SRGAP1: variants seen among roughly 807,000 people sequenced by gnomAD.
SRGAP1 encodes the protein SLIT-ROBO Rho GTPase activating protein 1.
In SRGAP1, 43 loss-of-function variants were observed where a neutral mutation model predicts 121.9. That is an observed-to-expected ratio of 0.35 (90% CI 0.28 to 0.46). The LOEUF is 0.46. Ranked by LOEUF, SRGAP1 falls within the 20% of genes least tolerant of loss-of-function variation. The probability of loss-of-function intolerance (pLI) is 1.00; values close to 1 mark genes in which losing one functional copy is unlikely to be tolerated. For missense variants in SRGAP1, 1,102 were observed against 1,350.9 expected, an observed-to-expected ratio of 0.82 and a Z score of 2.89; for synonymous variants, 447 against 485.4, an observed-to-expected ratio of 0.92 and a Z score of 1.04.
Position 64,091,308 on chromosome 12 carries a change from AC to A in SRGAP1, c.1470del (p.His490GlnfsTer91). 6.2e-7 allele frequency: 1 copy of A among 1,610,074 alleles called. No individual in the cohort carries two copies. Reference sequence around the variant, plus strand: ...AATGTTCCCCCTAAGCCCCAGAAACACAGGAAGTCCAGGCCCCGCTCACAGT... The same window carrying A: ...AATGTTCCCCCTAAGCCCCAGAAACAAGGAAGTCCAGGCCCCGCTCACAGT... ...PPNVPPKPQKHRKSRPRSQYN... is the reference protein window; with the variant it reads ...PPNVPPKPQKXRKSRPRSQYN... On this transcript the variant is annotated frameshift_variant, in exon 12 of 22. Transcript: ENST00000355086. LOFTEE classifies it high-confidence loss of function.
In SRGAP1 at chr12:64,134,919, G is replaced by A. The variant is rs150081510; in HGVS notation, c.2880+6719G>A. Reference sequence around the variant, plus strand: ...TCAACCTCACCTCCAGGGGCCTGCCGGGATATTAGTCTAGTTACAGGTCTA... The same window carrying A: ...TCAACCTCACCTCCAGGGGCCTGCCAGGATATTAGTCTAGTTACAGGTCTA... On this transcript the variant is annotated intron_variant, in intron 21 of 21. Coordinates refer to ENST00000355086, the MANE Select transcript of SRGAP1 (RefSeq NM_020762.4). 1.5e-4 allele frequency among the ~76,000 whole-genome samples: 23 copies of A among 152,258 alleles called. No individual in the cohort carries two copies. The East Asian group carries it at 1.5e-3, about 10-fold the overall frequency.
chr12:63,942,120 CT>C (rs541592309), intron 1 of SRGAP1, among the ~76,000 whole-genome samples: 164 of 152,156 alleles, frequency 1.1e-3, no homozygotes, highest in Non-Finnish European at 1.9e-3. Flanking sequence ...TCTCAACACC[CT>C]CTATTTGTAC....
chr12:64,076,052 C>T (rs536970698), intron 8 of SRGAP1, among the ~76,000 whole-genome samples: 1 of 152,268 alleles, frequency 6.6e-6, no homozygotes, highest in South Asian at 2.1e-4. Context: ...ACACAGGGAA[C>T]CATATCTTCC....
chr12:64,155,818 A>G lies in SRGAP1; in HGVS notation c.*13146A>G, dbSNP rs1047801538. On this transcript the variant is annotated 3_prime_UTR_variant, in exon 22 of 22. Coordinates refer to ENST00000355086, the MANE Select transcript of SRGAP1 (RefSeq NM_020762.4). ...CAGCTAATTTTTTTGTATTTTTAGT[A>G]CAGCCGGGGTTTCGCCATGTTGGCC... 3.3e-5 allele frequency: 5 copies of G among 151,952 alleles called. No individual in the cohort carries two copies. Among genetic ancestry groups the G allele is most frequent in the African/African-American group, 9.7e-5 (4 of 41,372 alleles). The allele number at this position is 151,952 out of a possible 1,614,324, so 9.4% of individuals were successfully genotyped here.
intron 4 of SRGAP1, among the ~76,000 whole-genome samples, chr12:64,033,137 T>C (rs952482045): frequency 1.3e-5 from 2 of 152,148 alleles, no homozygotes; most frequent in Admixed American, 6.6e-5. Flanking sequence ...CCTTTGCATA[T>C]GTGTTCTCCA....
chr12:64,112,467 T>G (rs1204632211), intron 17 of SRGAP1, among the ~76,000 whole-genome samples: 3 of 152,300 alleles, frequency 2.0e-5, no homozygotes, highest in African/African-American at 7.2e-5. Flanking sequence ...AGTTAGACCT[T>G]TAGGTCATTT....
chr12:63,958,557 A>G (rs1171577632), intron 1 of SRGAP1, among the ~76,000 whole-genome samples: 1 of 152,214 alleles, frequency 6.6e-6, no homozygotes, highest in African/African-American at 2.4e-5. Flanking sequence ...GAAGTAGAGC[A>G]CAGAGGATAT....
intron 1 of SRGAP1, among the ~76,000 whole-genome samples, chr12:63,893,553 G>C (rs1383502937): frequency 6.6e-6 from 1 of 152,174 alleles, no homozygotes; most frequent in African/African-American, 2.4e-5. Context: ...AGACATGCCT[G>C]ACAGCTAGAA....
At position 64,142,700 on chromosome 12, in the gene SRGAP1, A is replaced by T; in HGVS notation, c.*28A>T. ...ACCAGCCAAGCAAGGCCATAAAGGG[A>T]GGTGACTTAAAAAAGAAAATGGATT... On this transcript the variant is annotated 3_prime_UTR_variant, in exon 22 of 22. Coordinates refer to ENST00000355086, the MANE Select transcript of SRGAP1 (RefSeq NM_020762.4). 1 of 1,573,160 alleles carries T rather than the reference A, an allele frequency of 6.4e-7. No homozygotes were observed.
chr12:63,907,764 G>T (rs143620648), intron 1 of SRGAP1, among the ~76,000 whole-genome samples: 1 of 151,894 alleles, frequency 6.6e-6, no homozygotes, highest in East Asian at 1.9e-4. Context: ...TTGTCATTGT[G>T]GTTTTGGTGT....
At chr12:64,124,698 G>A (rs144054782) in intron 18 of SRGAP1, among the ~76,000 whole-genome samples, 59 of 152,246 alleles carry the variant, frequency 3.9e-4, no homozygotes, top group African/African-American at 1.4e-3. Context: ...CTGTCCTCCT[G>A]TTTGCCTTCA....
intron 4 of SRGAP1, among the ~76,000 whole-genome samples, chr12:64,018,159 G>A (rs745764643): frequency 2.0e-5 from 3 of 152,056 alleles, no homozygotes; most frequent in African/African-American, 4.8e-5. Flanking sequence ...GCACAATCTC[G>A]GTCACTGCAA....
chr12:63,888,965 A>G (rs887991898), intron 1 of SRGAP1, among the ~76,000 whole-genome samples: 4 of 152,188 alleles, frequency 2.6e-5, no homozygotes, highest in African/African-American at 9.6e-5. Flanking sequence ...GAGAGGGTCG[A>G]TGAGGGTGCA....
chr12:63,984,955 G>T (rs924109257), intron 2 of SRGAP1, among the ~76,000 whole-genome samples: 8 of 150,678 alleles, frequency 5.3e-5, no homozygotes, highest in East Asian at 3.9e-4. Flanking sequence ...GGCGGAGGTT[G>T]CAGTGAGCTG....
intron 15 of SRGAP1, among the ~76,000 whole-genome samples, chr12:64,098,360 T>TAAA (rs74262000): frequency 2.7e-4 from 37 of 137,050 alleles, no homozygotes; most frequent in African/African-American, 9.3e-4. Flanking sequence ...CAGCTAGAGT[T>TAAA]AAAAAAAAAA....
intron 15 of SRGAP1, among the ~76,000 whole-genome samples, chr12:64,099,249 G>A (rs2036216774): frequency 6.6e-6 from 1 of 152,056 alleles, no homozygotes; most frequent in South Asian, 2.1e-4. Context: ...TACATCATAG[G>A]GTTGTGAGAA....
At chr12:64,120,130 T>C (rs1226501427) in intron 18 of SRGAP1, among the ~76,000 whole-genome samples, 1 of 152,182 alleles carries the variant, frequency 6.6e-6, no homozygotes, top group African/African-American at 2.4e-5. Flanking sequence ...TGCTGCTTGA[T>C]CATTTTTTAT....
intron 4 of SRGAP1, chr12:64,032,495 C>A: frequency 8.8e-7 from 1 of 1,139,178 alleles, no homozygotes; most frequent in Non-Finnish European, 1.3e-6. Context: ...CTGGTTTATC[C>A]AGCAGCCAGG....
chr12:63,861,728 C>T (rs561890801), intron 1 of SRGAP1, among the ~76,000 whole-genome samples: 12 of 152,182 alleles, frequency 7.9e-5, no homozygotes, highest in African/African-American at 2.6e-4. Context: ...TGGCTTATTC[C>T]GTAATCCCAA....
Sources: allele counts gnomAD v4.1 joint callset (sites outside exome capture counted in the v4.1 genomes callset), GRCh38; gene constraint gnomAD v4.1.1; transcripts MANE v1.5; gene names NCBI Gene and HGNC (gene_info 2026-07-23, HGNC 2026-07-21).